Variants in KCNIP4 observed in about 807,000 individuals in gnomAD.
KCNIP4 encodes the protein potassium voltage-gated channel interacting protein 4.
KCNIP4 carries 12 observed loss-of-function variants against 34.0 expected under a neutral mutation model. That is an observed-to-expected ratio of 0.35 (90% CI 0.23 to 0.57). The LOEUF is 0.57. Ranked by LOEUF, KCNIP4 falls within the 20% of genes least tolerant of loss-of-function variation. KCNIP4 has a pLI of 0.83. For synonymous variants in KCNIP4, 124 were observed against 102.2 expected (o/e 1.21, Z -1.29); for missense variants, 238 against 311.7 (o/e 0.76, Z 1.78).
intron 1 of KCNIP4, among the ~76,000 whole-genome samples, chr4:21,175,942 T>G (rs1754372952): frequency 6.6e-6 from 1 of 152,046 alleles, no homozygotes; most frequent in African/African-American, 2.4e-5. Context: ...TCCCAGAGTT[T>G]AAAACTCCCA....
chr4:21,170,464 A>T (rs1753941074), intron 1 of KCNIP4, among the ~76,000 whole-genome samples: 2 of 152,132 alleles, frequency 1.3e-5, no homozygotes, highest in African/African-American at 4.8e-5. Context: ...GCAAACATTA[A>T]ATCACTGTAT....
intron 1 of KCNIP4, among the ~76,000 whole-genome samples, chr4:21,283,654 G>A (rs542304006): frequency 2.9e-5 from 3 of 104,986 alleles, no homozygotes; most frequent in Middle Eastern, 6.9e-3. Flanking sequence ...ATTTCATGGG[G>A]AGGGGGGAGG....
intron 1 of KCNIP4, among the ~76,000 whole-genome samples, chr4:21,915,313 C>A (rs959001366): frequency 7.2e-5 from 11 of 152,170 alleles, no homozygotes; most frequent in Admixed American, 7.2e-4. Flanking sequence ...AAGAGTGACA[C>A]ACAATTGAAG....
At chr4:21,885,804 T>C (rs1726730414) in intron 1 of KCNIP4, among the ~76,000 whole-genome samples, 1 of 152,148 alleles carries the variant, frequency 6.6e-6, no homozygotes, top group African/African-American at 2.4e-5. Flanking sequence ...TATGTTTTTT[T>C]CCATATGCTA....
chr4:21,752,609 G>A (rs1355457462), intron 1 of KCNIP4, among the ~76,000 whole-genome samples: 2 of 152,164 alleles, frequency 1.3e-5, no homozygotes, highest in Non-Finnish European at 2.9e-5. Context: ...AGGGATGGAA[G>A]ACAAAGAAAA....
At chr4:21,234,501 TTAC>T (rs1560199639) in intron 1 of KCNIP4, among the ~76,000 whole-genome samples, 4 of 102,134 alleles carry the variant, frequency 3.9e-5, no homozygotes, top group African/African-American at 1.8e-4. Context: ...ATAATATATA[TTAC>T]ATATAACGTA....
intron 1 of KCNIP4, among the ~76,000 whole-genome samples, chr4:21,922,232 A>G (rs1357717394): frequency 6.6e-6 from 1 of 152,044 alleles, no homozygotes; most frequent in East Asian, 1.9e-4. Flanking sequence ...TCAACAAGCC[A>G]CCCTACTGCT....
chr4:21,350,801 C>T (rs374564093), intron 1 of KCNIP4, among the ~76,000 whole-genome samples: 35 of 152,288 alleles, frequency 2.3e-4, no homozygotes, highest in African/African-American at 7.7e-4. Flanking sequence ...CTTTCTCTGT[C>T]ATGCTCACTT....
intron 1 of KCNIP4, among the ~76,000 whole-genome samples, chr4:21,427,010 C>G (rs1487588609): frequency 6.6e-6 from 1 of 151,820 alleles, no homozygotes; most frequent in East Asian, 1.9e-4. Flanking sequence ...TGCACCCCAA[C>G]TCAGTCTCAG....
chr4:21,617,103 T>C (rs1744659433), intron 1 of KCNIP4, among the ~76,000 whole-genome samples: 3 of 152,214 alleles, frequency 2.0e-5, no homozygotes, highest in African/African-American at 7.2e-5. Context: ...TGTAGCTGCC[T>C]TGATAATGAG....
chr4:21,925,167 T>C (rs527744065), intron 1 of KCNIP4, among the ~76,000 whole-genome samples: 1 of 152,172 alleles, frequency 6.6e-6, no homozygotes. Context: ...ATGTGCCATG[T>C]TAGTGTGCTG....
At chr4:21,674,563 T>C (rs766564362) in intron 1 of KCNIP4, among the ~76,000 whole-genome samples, 9 of 152,216 alleles carry the variant, frequency 5.9e-5, no homozygotes, top group Non-Finnish European at 1.0e-4. Flanking sequence ...GCAGTATACT[T>C]AGCTCTTCCC....
chr4:21,815,915 C>T (rs1721958626), intron 1 of KCNIP4, among the ~76,000 whole-genome samples: 1 of 152,036 alleles, frequency 6.6e-6, no homozygotes, highest in African/African-American at 2.4e-5. Context: ...TTGGGTTTTT[C>T]CATATGTATA....
At chr4:20,732,890 T>C (rs890994216) in intron 6 of KCNIP4, 105 bp from the exon 7 acceptor site, 1 of 678,798 alleles carries the variant, frequency 1.5e-6, no homozygotes, top group Non-Finnish European at 2.5e-6. Flanking sequence ...TTTTGACTTT[T>C]TGTTTGTTGG....
intron 1 of KCNIP4, among the ~76,000 whole-genome samples, chr4:21,772,558 C>T (rs944541335): frequency 6.6e-6 from 1 of 152,040 alleles, no homozygotes; most frequent in African/African-American, 2.4e-5. Flanking sequence ...TGGTCCTGGG[C>T]TTTTATTTGG....
intron 1 of KCNIP4, among the ~76,000 whole-genome samples, chr4:21,046,805 G>A (rs1376891704): frequency 6.6e-6 from 1 of 152,154 alleles, no homozygotes; most frequent in African/African-American, 2.4e-5. Flanking sequence ...TGGTTGGGCT[G>A]GTCTCGAACT....
At chr4:20,988,399 C>T (rs1736786346) in intron 1 of KCNIP4, among the ~76,000 whole-genome samples, 1 of 152,174 alleles carries the variant, frequency 6.6e-6, no homozygotes, top group South Asian at 2.1e-4. Flanking sequence ...TTTCCTTGCC[C>T]CAATCCATTG....
intron 1 of KCNIP4, among the ~76,000 whole-genome samples, chr4:21,785,285 A>G (rs1719828986): frequency 6.6e-6 from 1 of 151,670 alleles, no homozygotes; most frequent in African/African-American, 2.4e-5. Flanking sequence ...GAACATTTAT[A>G]TCACTTCGAA....
At chr4:20,730,977 G>C (rs1381886845) in intron 8 of KCNIP4, among the ~76,000 whole-genome samples, 1 of 152,164 alleles carries the variant, frequency 6.6e-6, no homozygotes, top group Admixed American at 6.5e-5. Context: ...CAAGTTGAGA[G>C]ACAAGCAGAC....
Sources: gnomAD v4.1 joint callset for allele counts (sites outside exome capture counted in the v4.1 genomes callset) on GRCh38, gnomAD v4.1.1 for gene constraint, MANE v1.5 for transcripts, NCBI Gene and HGNC (gene_info 2026-07-23, HGNC 2026-07-21) for gene names.